Variants in RHOBTB1 observed in about 807,000 individuals in gnomAD.
The protein encoded by RHOBTB1 is Rho related BTB domain containing 1, also known as rho-related BTB domain-containing protein 1.
A neutral mutation model predicts 71.6 loss-of-function variants in RHOBTB1; 40 were observed. The ratio of observed to expected loss-of-function variants is 0.56; its 90% CI spans 0.43 to 0.73. The LOEUF (loss-of-function observed/expected upper bound fraction) is 0.73. Ranked by LOEUF, RHOBTB1 falls within the 30% of genes least tolerant of loss-of-function variation. RHOBTB1 has a pLI of 0.00. For synonymous variants in RHOBTB1, 319 were observed against 334.9 expected, an observed-to-expected ratio of 0.95 and a Z score of 0.52; for missense variants, 797 against 894.0, an observed-to-expected ratio of 0.89 and a Z score of 1.38.
In RHOBTB1 at chr10:60,928,949, G is replaced by A. The variant is rs114652746; in HGVS notation, c.-11+12855C>T. Among the ~76,000 whole-genome samples the A allele has an allele frequency of 5.9e-3, 898 of 152,218 alleles. 5 individuals carry two copies. The highest frequency in any genetic ancestry group is 0.021 in the African/African-American group (870 of 41,516). The stretch of plus-strand genomic sequence containing the variant: ...GCAGTACAGGAAGCATGGCTTGGGA[G>A]GCCTCAGGAATCTTAAAATCATGGT... On this transcript the variant is annotated intron_variant, in intron 2 of 10. Transcript: ENST00000337910.
At chr10:60,878,214 G>A (rs1051288780) in intron 7 of RHOBTB1, among the ~76,000 whole-genome samples, 156 bp from the exon 8 acceptor site, 3 of 152,194 alleles carry the variant, frequency 2.0e-5, no homozygotes, top group Non-Finnish European at 4.4e-5. Context: ...CAGTATTTAT[G>A]ACTTTAAACA....
chr10:61,001,822 A>G (rs901329566), upstream of RHOBTB1, among the ~76,000 whole-genome samples: 21 of 152,328 alleles, frequency 1.4e-4, no homozygotes, highest in Admixed American at 4.6e-4. Context: ...TTCTCCGCTC[A>G]GGGCCCGAGG....
intron 1 of RHOBTB1, among the ~76,000 whole-genome samples, chr10:60,994,575 T>G (rs1022676630): frequency 3.3e-5 from 5 of 152,152 alleles, no homozygotes; most frequent in Non-Finnish European, 7.4e-5. Flanking sequence ...GATGTTTCCC[T>G]TCTCTTTTTT....
chr10:60,885,114 T>C (rs2081507292), intron 7 of RHOBTB1, among the ~76,000 whole-genome samples: 1 of 152,054 alleles, frequency 6.6e-6, no homozygotes, highest in Non-Finnish European at 1.5e-5. Flanking sequence ...TATTGCACAG[T>C]ATGGTGACTA....
At chr10:60,927,111 C>A (rs1324537059) in intron 2 of RHOBTB1, among the ~76,000 whole-genome samples, 2 of 152,092 alleles carry the variant, frequency 1.3e-5, no homozygotes, top group African/African-American at 4.8e-5. Flanking sequence ...GAAAGTAATC[C>A]AATTTATCAT....
chr10:60,943,558 G>C (rs536553768), intron 1 of RHOBTB1, among the ~76,000 whole-genome samples: 2 of 152,264 alleles, frequency 1.3e-5, no homozygotes, highest in African/African-American at 4.8e-5. Context: ...AGCGCCAAAG[G>C]GGCTAGCGTA....
chr10:60,910,146 G>GT (rs1194976147), intron 4 of RHOBTB1, among the ~76,000 whole-genome samples: 2 of 151,688 alleles, frequency 1.3e-5, no homozygotes, highest in Non-Finnish European at 2.9e-5. Flanking sequence ...TAATTAAGTG[G>GT]TAAAAAAAAA....
At chr10:60,960,579 A>G (rs761626705) in intron 2 of RHOBTB1, among the ~76,000 whole-genome samples, 4 of 152,216 alleles carry the variant, frequency 2.6e-5, no homozygotes, top group Non-Finnish European at 4.4e-5. Context: ...TGGAATATTA[A>G]TACTGGAAAT....
downstream of RHOBTB1, among the ~76,000 whole-genome samples, chr10:60,868,289 CTCTATCTATCTATCA>C (rs999490352): frequency 6.2e-4 from 94 of 152,226 alleles, no homozygotes; most frequent in South Asian, 4.2e-3. Flanking sequence ...TCTTCTATCT[CTCTATCTATCTATCA>C]TCTATCTATC....
intron 2 of RHOBTB1, among the ~76,000 whole-genome samples, chr10:60,937,938 C>A (rs1222353946): frequency 6.6e-6 from 1 of 152,142 alleles, no homozygotes; most frequent in Non-Finnish European, 1.5e-5. Flanking sequence ...ATCCTCATAA[C>A]CCTCTGAGGG....
chr10:60,922,770 A>C (rs1183583010), intron 2 of RHOBTB1, among the ~76,000 whole-genome samples: 1 of 152,188 alleles, frequency 6.6e-6, no homozygotes, highest in African/African-American at 2.4e-5. Flanking sequence ...AGAGAGAACA[A>C]AGTATGGAAA....
chr10:60,891,101 C>T (rs1344095438), intron 5 of RHOBTB1, among the ~76,000 whole-genome samples: 2 of 151,992 alleles, frequency 1.3e-5, no homozygotes, highest in Admixed American at 1.3e-4. Context: ...CTACATGGCC[C>T]CTAATATTCA....
At chr10:60,873,164 C>T (rs2080882529) in intron 9 of RHOBTB1, among the ~76,000 whole-genome samples, 1 of 152,204 alleles carries the variant, frequency 6.6e-6, no homozygotes, top group African/African-American at 2.4e-5. Flanking sequence ...ACAGTTTTAG[C>T]TGGTGCTTCC....
chr10:60,933,682 G>A lies in RHOBTB1; in HGVS notation c.-11+8122C>T, dbSNP rs1345186228. The stretch of plus-strand genomic sequence containing the variant: ...CGCCATTGCACTCCAGCCTAGGTGA[G>A]AGTGAGAATCCGTCAAAAAAGAAAA... On this transcript the variant is annotated intron_variant, in intron 2 of 10. Coordinates refer to ENST00000337910, the MANE Select transcript of RHOBTB1 (RefSeq NM_014836.5). 2.6e-5 allele frequency among the ~76,000 whole-genome samples: 4 copies of A among 151,534 alleles called. No homozygotes were observed. In the East Asian group the frequency reaches 7.8e-4, roughly 29 times the overall value.
chr10:60,940,661 C>T (rs906593910), intron 2 of RHOBTB1, among the ~76,000 whole-genome samples: 7 of 152,172 alleles, frequency 4.6e-5, no homozygotes, highest in Admixed American at 3.3e-4. Context: ...TGCAATTTAG[C>T]GGTTCTGGAT....
chr10:60,889,697 T>A (rs1299842182), intron 5 of RHOBTB1, among the ~76,000 whole-genome samples: 3 of 152,196 alleles, frequency 2.0e-5, no homozygotes, highest in Non-Finnish European at 2.9e-5. Flanking sequence ...TGAAGGATCA[T>A]CACTTTACTA....
chr10:60,969,310 A>T (rs1424404057), intron 2 of RHOBTB1, among the ~76,000 whole-genome samples: 1 of 152,166 alleles, frequency 6.6e-6, no homozygotes, highest in Admixed American at 6.6e-5. Flanking sequence ...ACTCTGATAT[A>T]GCAGCCACAA....
intron 5 of RHOBTB1, among the ~76,000 whole-genome samples, chr10:60,889,754 T>C (rs1258131098): frequency 6.6e-6 from 1 of 152,224 alleles, no homozygotes; most frequent in African/African-American, 2.4e-5. Flanking sequence ...AACATTAGTT[T>C]TTCCATCTGT....
At chr10:60,881,532 C>G (rs892102348) in intron 7 of RHOBTB1, among the ~76,000 whole-genome samples, 11 of 152,166 alleles carry the variant, frequency 7.2e-5, no homozygotes, top group Non-Finnish European at 1.6e-4. Flanking sequence ...AGCGCAAGAG[C>G]CTGGGGCAGG....
Sources: allele counts gnomAD v4.1 joint callset (sites outside exome capture counted in the v4.1 genomes callset), GRCh38; gene constraint gnomAD v4.1.1; transcripts MANE v1.5; gene names NCBI Gene and HGNC (gene_info 2026-07-23, HGNC 2026-07-21).